ADAM22: variants seen among roughly 807,000 people sequenced by gnomAD.
ADAM22 encodes disintegrin and metalloproteinase domain-containing protein 22.
Under a neutral mutation model 144.6 loss-of-function variants are expected in ADAM22, and 65 were observed. The observed-to-expected ratio is 0.45, with a 90% CI of 0.37 to 0.55. The LOEUF (loss-of-function observed/expected upper bound fraction) is 0.55. Among genes scored for constraint, ADAM22 ranks in the 20% least tolerant of loss-of-function variants. The pLI is 0.00. For missense variants in ADAM22, 974 were observed against 1,184.9 expected (o/e 0.82, Z 2.61); for synonymous variants, 391 against 412.6 (o/e 0.95, Z 0.63).
In ADAM22 at chr7:88,201,327, C is replaced by T. The variant is rs1851188051; in HGVS notation, c.*4836C>T. The T allele has an allele frequency of 6.6e-6, 1 of 152,222 alleles. No homozygotes were observed. Among genetic ancestry groups the T allele is most frequent in the South Asian group, 2.1e-4 (1 of 4,832 alleles). The allele number at this position is 152,222 out of a possible 1,614,324, so 9.4% of individuals were successfully genotyped here. On this transcript the variant is annotated 3_prime_UTR_variant, in exon 32 of 32. Transcript: ENST00000413139. ...GCAGCTTATGCAACTTAGGAAGTCA[C>T]TGGGAGATGAGTCCTAAAAGCCTGA...
chr7:88,045,024 CT>C (rs1171521020), intron 3 of ADAM22, among the ~76,000 whole-genome samples: 3 of 151,668 alleles, frequency 2.0e-5, no homozygotes, highest in African/African-American at 7.3e-5. Flanking sequence ...TGCACCCGGC[CT>C]TTTTTTCTTG....
intron 24 of ADAM22, 25 bp from the exon 25 acceptor site, chr7:88,168,108 TCTTC>T: frequency 6.3e-7 from 1 of 1,589,974 alleles, no homozygotes; most frequent in Non-Finnish European, 8.6e-7. Flanking sequence ...ATACCACTGA[TCTTC>T]CTTCTTTCTT....
At chr7:88,076,746 G>A (rs1207148102) in intron 4 of ADAM22, among the ~76,000 whole-genome samples, 10 of 152,222 alleles carry the variant, frequency 6.6e-5, no homozygotes, top group Non-Finnish European at 1.2e-4. Flanking sequence ...GAAAACAAAA[G>A]CCACCCAAGT....
intron 2 of ADAM22, among the ~76,000 whole-genome samples, chr7:87,970,216 AGAAAAGAGG>A (rs1334672122): frequency 6.6e-6 from 1 of 151,864 alleles, no homozygotes; most frequent in Non-Finnish European, 1.5e-5. Context: ...TTTCCGATGT[AGAAAAGAGG>A]GATCATATAT....
At position 87,972,817 on chromosome 7, in the gene ADAM22, A is replaced by G. The variant is rs1160493662; in HGVS notation, c.247-5519A>G. ...ATCTACAACTATCTGATCTTTGACA[A>G]ACCTGAGAAAAACCAGCAATGGGGA... On this transcript the variant is annotated intron_variant, in intron 2 of 31. Coordinates refer to ENST00000413139, the MANE Select transcript of ADAM22 (RefSeq NM_001324418.2). Among the ~76,000 whole-genome samples the G allele has an allele frequency of 3.3e-5, 5 of 152,198 alleles. No individual in the cohort carries two copies. The East Asian group carries it at 9.6e-4, about 29-fold the overall frequency.
chr7:88,091,200 T>C (rs1473393938), intron 4 of ADAM22, among the ~76,000 whole-genome samples: 1 of 152,154 alleles, frequency 6.6e-6, no homozygotes, highest in Non-Finnish European at 1.5e-5. Context: ...CTGTTAGTCA[T>C]TTGGAAGAGT....
intron 3 of ADAM22, among the ~76,000 whole-genome samples, chr7:88,016,752 A>G (rs764070566): frequency 5.9e-5 from 9 of 152,166 alleles, no homozygotes; most frequent in Non-Finnish European, 1.2e-4. Flanking sequence ...AGTAGAGAGG[A>G]TAATTGTGGT....
At chr7:88,051,910 A>AT (rs1806534797) in intron 3 of ADAM22, among the ~76,000 whole-genome samples, 1 of 151,658 alleles carries the variant, frequency 6.6e-6, no homozygotes, top group Admixed American at 6.6e-5. Context: ...TGGTAAAATT[A>AT]TTTTTTGTAT....
intron 4 of ADAM22, among the ~76,000 whole-genome samples, chr7:88,091,066 G>A (rs1402630171): frequency 6.6e-6 from 1 of 152,110 alleles, no homozygotes. Flanking sequence ...TAGTGAGCTA[G>A]CTTCATTGAT....
chr7:87,982,692 T>TATAC (rs1853912515), intron 3 of ADAM22, among the ~76,000 whole-genome samples: 1 of 75,096 alleles, frequency 1.3e-5, no homozygotes, highest in Admixed American at 1.2e-4. Flanking sequence ...TATATATATA[T>TATAC]ATATATAATT....
chr7:87,953,971 C>T (rs1044955312), intron 2 of ADAM22, among the ~76,000 whole-genome samples: 2 of 151,852 alleles, frequency 1.3e-5, no homozygotes, highest in African/African-American at 2.4e-5. Flanking sequence ...CAACCCCTGC[C>T]TTTTTTTGTT....
At chr7:87,987,418 A>T (rs1216240778) in intron 3 of ADAM22, among the ~76,000 whole-genome samples, 1 of 152,134 alleles carries the variant, frequency 6.6e-6, no homozygotes, top group Non-Finnish European at 1.5e-5. Flanking sequence ...ACCTCAGGTA[A>T]TCTGCCTGCC....
At chr7:88,113,544 C>A (rs982886695) in intron 5 of ADAM22, among the ~76,000 whole-genome samples, 1 of 149,394 alleles carries the variant, frequency 6.7e-6, no homozygotes, top group Admixed American at 6.7e-5. Flanking sequence ...AAGCCAAGGC[C>A]CTAGGAAGTG....
chr7:88,170,000 A>T (rs897091358), intron 25 of ADAM22, among the ~76,000 whole-genome samples: 2 of 152,088 alleles, frequency 1.3e-5, no homozygotes, highest in Non-Finnish European at 1.5e-5. Flanking sequence ...TACTTATTAA[A>T]TTATGTGTCT....
chr7:87,957,454 C>A (rs1407174078), intron 2 of ADAM22, among the ~76,000 whole-genome samples: 3 of 152,138 alleles, frequency 2.0e-5, no homozygotes, highest in Non-Finnish European at 4.4e-5. Context: ...TGGTTTGTTT[C>A]TTTTGCAAGA....
At chr7:87,938,458 A>G (rs888190821) in intron 2 of ADAM22, among the ~76,000 whole-genome samples, 2 of 151,582 alleles carry the variant, frequency 1.3e-5, no homozygotes, top group African/African-American at 4.9e-5. Flanking sequence ...ACCTCAAGTG[A>G]TCCTCCCACC....
At chr7:88,040,152 G>A (rs1256827849) in intron 3 of ADAM22, among the ~76,000 whole-genome samples, 1 of 151,488 alleles carries the variant, frequency 6.6e-6, no homozygotes, top group Non-Finnish European at 1.5e-5. Flanking sequence ...TATTTTTTGA[G>A]ATGGAGTCTT....
intron 5 of ADAM22, among the ~76,000 whole-genome samples, chr7:88,113,878 G>A (rs966250451): frequency 1.3e-5 from 2 of 150,906 alleles, no homozygotes; most frequent in African/African-American, 4.9e-5. Context: ...ATGCATGAAT[G>A]GAGGTAGGTA....
At chr7:87,981,906 A>C (rs1305952675) in intron 3 of ADAM22, among the ~76,000 whole-genome samples, 4 of 152,088 alleles carry the variant, frequency 2.6e-5, no homozygotes, top group Non-Finnish European at 5.9e-5. Flanking sequence ...ACTGTTATTA[A>C]TAAATCTGTA....
Sources: gnomAD v4.1 joint callset for allele counts (sites outside exome capture counted in the v4.1 genomes callset) on GRCh38, gnomAD v4.1.1 for gene constraint, MANE v1.5 for transcripts, NCBI Gene and HGNC (gene_info 2026-07-23, HGNC 2026-07-21) for gene names.